The following PATJ variants were observed in gnomAD, a reference collection of about 807,000 sequenced individuals.
PATJ encodes PATJ crumbs cell polarity complex component.
In PATJ, 190 loss-of-function variants were observed where a neutral mutation model predicts 224.9. The ratio of observed to expected loss-of-function variants is 0.84; its 90% CI spans 0.75 to 0.95. The LOEUF (loss-of-function observed/expected upper bound fraction) is 0.95. PATJ is among the 40% of genes least tolerant of loss of function. PATJ has a pLI of 0.00. For missense variants in PATJ, 2,121 were observed against 2,270.3 expected, an observed-to-expected ratio of 0.93 and a Z score of 1.34; for synonymous variants, 769 against 820.3, an observed-to-expected ratio of 0.94 and a Z score of 1.07.
chr1:61,827,481 A>C lies in PATJ; in HGVS notation c.1878A>C (p.Glu626Asp), dbSNP rs1658482810. Residue 626 changes from glutamate to aspartate, a missense_variant, in exon 16 of 44, where the codon GAA becomes GAC. Coordinates refer to ENST00000642238, the MANE Select transcript of PATJ (RefSeq NM_001350145.3). ...GAGAAGCAGTCTCCTTTCTTAAAGAAGTGCCACCCCCTTTTACTTTGGTTT... is the reference window on the plus strand; with the variant it reads ...GAGAAGCAGTCTCCTTTCTTAAAGACGTGCCACCCCCTTTTACTTTGGTTT... ...SRREAVSFLK[E>D]VPPPFTLVCC... is the part of the protein sequence containing the mutation. The C allele has an allele frequency of 1.9e-6, 3 of 1,613,954 alleles. No individual in the cohort carries two copies. Among genetic ancestry groups the C allele is most frequent in the Admixed American group, 1.7e-5 (1 of 59,992 alleles).
Position 61,769,374 on chromosome 1 carries a change from A to G in PATJ, c.476A>G (p.Lys159Arg), listed in dbSNP as rs1437536754. ...GCCCTCAGAAGTCAAAATCTCGGAA[A>G]AGTTGATATCTTCGTGAAGGATGTC... ...VVALRSQNLGKVDIFVKDVQP... is the reference protein window; with the variant it reads ...VVALRSQNLGRVDIFVKDVQP... The change falls in exon 5 of 44, where the codon AAA (lysine) becomes AGA (arginine). Residue 159 changes from lysine (K) to arginine (R), a missense_variant. By Grantham distance (26) the Lys-to-Arg change is conservative. Transcript: ENST00000642238. The G allele has an allele frequency of 3.1e-6, 5 of 1,613,992 alleles. No individual in the cohort carries two copies. Among genetic ancestry groups the G allele is most frequent in the Non-Finnish European group, 4.2e-6 (5 of 1,180,024 alleles).
At chr1:61,936,432 C>CAAAAAAAAAAAAA (rs11455787) in intron 27 of PATJ, among the ~76,000 whole-genome samples, 1 of 92,734 alleles carries the variant, frequency 1.1e-5, no homozygotes, top group Non-Finnish European at 2.0e-5. Flanking sequence ...CTTCCAAGAC[C>CAAAAAAAAAAAAA]AAAAAAAAAA....
chr1:61,950,664 A>C (rs902685219), intron 27 of PATJ, among the ~76,000 whole-genome samples: 3 of 152,224 alleles, frequency 2.0e-5, no homozygotes, highest in African/African-American at 4.8e-5. Flanking sequence ...GTGTTTAACA[A>C]AATTTATATG....
Position 62,161,088 on chromosome 1 carries a change from T to C in PATJ, c.*34T>C, listed in dbSNP as rs1276222757. ...CCTGATCACAAGATAGATGTTGTTG[T>C]TTAGAATATCCACAGGCAGATGAAG... is the stretch of plus-strand genomic sequence containing the variant. On this transcript the variant is annotated 3_prime_UTR_variant, in exon 44 of 44. Transcript: ENST00000642238. 25 of 1,383,060 alleles carry C rather than the reference T, an allele frequency of 1.8e-5. No individual in the cohort carries two copies. 85.7% of individuals were successfully genotyped at this position (1,383,060 alleles called of 1,614,324 possible). A position where few individuals can be genotyped will look rare whatever the true frequency, so the allele number is the denominator to read the frequency against.
chr1:62,016,864 A>T (rs987339352), intron 28 of PATJ, among the ~76,000 whole-genome samples: 2 of 152,200 alleles, frequency 1.3e-5, no homozygotes, highest in Non-Finnish European at 2.9e-5. Flanking sequence ...ATCATGTTTA[A>T]TGGGCTCTCC....
chr1:61,761,525 C>T (rs554372268), intron 1 of PATJ, among the ~76,000 whole-genome samples: 1 of 152,030 alleles, frequency 6.6e-6, no homozygotes, highest in African/African-American at 2.4e-5. Flanking sequence ...AAGGAAGACC[C>T]GAAGAAACAG....
intron 17 of PATJ, among the ~76,000 whole-genome samples, chr1:61,838,378 G>A (rs1421212981): frequency 1.3e-5 from 2 of 150,054 alleles, no homozygotes; most frequent in African/African-American, 4.9e-5. Context: ...TTTTTGAGAT[G>A]GAGTCTTGCT....
At chr1:62,095,765 G>A (rs1340069450) in intron 33 of PATJ, among the ~76,000 whole-genome samples, 1 of 152,158 alleles carries the variant, frequency 6.6e-6, no homozygotes, top group East Asian at 1.9e-4. Flanking sequence ...ATTCTATAAA[G>A]TCAAGGCAAA....
At chr1:62,132,805 G>T (rs1244821609) in intron 41 of PATJ, among the ~76,000 whole-genome samples, 1 of 152,050 alleles carries the variant, frequency 6.6e-6, no homozygotes, top group Non-Finnish European at 1.5e-5. Context: ...TGGCGAGGCT[G>T]GGGTGGGAGG....
At chr1:61,951,257 G>C (rs545443071) in intron 27 of PATJ, among the ~76,000 whole-genome samples, 1 of 151,960 alleles carries the variant, frequency 6.6e-6, no homozygotes, top group South Asian at 2.1e-4. Flanking sequence ...TGATGAACTT[G>C]GCTTTTTATT....
rs199720963 is a variant in PATJ at position 62,084,503 on chromosome 1, A to G, written c.4244-12A>G. ...TTACATGCCAGTCATGCTGTGTTCA[A>G]TTCTTTTCCAGGTGGTTTCCAGGCT... On this transcript the variant is annotated splice_polypyrimidine_tract_variant and intron_variant, in intron 32 of 43. Transcript: ENST00000642238. The G allele has an allele frequency of 7.5e-5, 120 of 1,608,130 alleles. No homozygotes were observed. The East Asian group carries it at 2.5e-3, about 33-fold the overall frequency.
chr1:62,109,757 A>C (rs909063713), intron 34 of PATJ, among the ~76,000 whole-genome samples: 8 of 152,214 alleles, frequency 5.3e-5, no homozygotes, highest in African/African-American at 1.7e-4. Context: ...CTAAGTCCGC[A>C]AGTTATAATG....
chr1:62,007,145 G>A (rs532173550), intron 28 of PATJ, among the ~76,000 whole-genome samples: 1 of 152,318 alleles, frequency 6.6e-6, no homozygotes, highest in East Asian at 1.9e-4. Flanking sequence ...ATTTGAGGCT[G>A]TTATCTTCAG....
intron 33 of PATJ, among the ~76,000 whole-genome samples, chr1:62,085,776 G>A (rs964300356): frequency 2.7e-5 from 4 of 147,294 alleles, no homozygotes; most frequent in African/African-American, 7.6e-5. Context: ...CTATGATCAT[G>A]CCACTATACT....
chr1:61,854,672 G>A (rs547097970), intron 17 of PATJ, among the ~76,000 whole-genome samples: 36 of 152,242 alleles, frequency 2.4e-4, no homozygotes, highest in African/African-American at 6.5e-4. Context: ...CCTCGGTTTC[G>A]TCATCTGTAA....
At chr1:62,158,728 AAAC>A (rs1452065720) in intron 43 of PATJ, among the ~76,000 whole-genome samples, 4 of 148,820 alleles carry the variant, frequency 2.7e-5, no homozygotes, top group Admixed American at 6.8e-5. Flanking sequence ...CTCAAAAAAA[AAAC>A]AAAAAAAAAG....
At chr1:61,870,130 G>T (rs1666113031) in intron 20 of PATJ, among the ~76,000 whole-genome samples, 1 of 152,182 alleles carries the variant, frequency 6.6e-6, no homozygotes, top group African/African-American at 2.4e-5. Flanking sequence ...GCGCTTTCTG[G>T]TATCCAGGAA....
At chr1:61,959,425 A>ATATATATT (rs1557944860) in intron 27 of PATJ, among the ~76,000 whole-genome samples, 5 of 61,150 alleles carry the variant, frequency 8.2e-5, no homozygotes, top group African/African-American at 3.4e-4. Flanking sequence ...TATATAATAT[A>ATATATATT]TTTTTTTTCT....
chr1:61,893,306 CT>C lies in PATJ; in HGVS notation c.3132-6274del, dbSNP rs1355821046. Among the ~76,000 whole-genome samples the C allele has an allele frequency of 8.5e-5, 13 of 152,258 alleles. No homozygotes were observed. The East Asian group carries it at 2.5e-3, about 29-fold the overall frequency. Reference sequence around the variant, plus strand: ...AACAGACTAATCATTTTGTGACATACTTTGTCAAAGAAATCTAAAATTGTTC... The same window carrying C: ...AACAGACTAATCATTTTGTGACATACTTGTCAAAGAAATCTAAAATTGTTC... On this transcript the variant is annotated intron_variant, in intron 22 of 43. Transcript: ENST00000642238.
Sources: gnomAD v4.1 joint callset for allele counts (sites outside exome capture counted in the v4.1 genomes callset) on GRCh38, gnomAD v4.1.1 for gene constraint, MANE v1.5 for transcripts, NCBI Gene and HGNC (gene_info 2026-07-23, HGNC 2026-07-21) for gene names.